PHLPP2: variants seen among roughly 807,000 people sequenced by gnomAD.
PHLPP2 encodes the protein PH domain and leucine rich repeat protein phosphatase 2.
A neutral mutation model predicts 124.9 loss-of-function variants in PHLPP2; 66 were observed. The observed-to-expected ratio is 0.53, with a 90% CI of 0.43 to 0.65. The LOEUF is 0.65. Ranked by LOEUF, PHLPP2 falls within the 30% of genes least tolerant of loss-of-function variation. The probability of loss-of-function intolerance (pLI) is 0.00; values close to 1 mark genes in which losing one functional copy is unlikely to be tolerated. For missense variants in PHLPP2, 1,685 were observed against 1,600.4 expected, an observed-to-expected ratio of 1.05 and a Z score of -0.90; for synonymous variants, 681 against 624.7, an observed-to-expected ratio of 1.09 and a Z score of -1.34.
chr16:71,652,780 C>T lies in PHLPP2; in HGVS notation c.2817+10G>A, dbSNP rs199937422. ...GGGAGCAGAAGTGACTGGCGGGGAG[C>T]GGAACACACCTCTGTGATGATGGCT... On this transcript the variant is annotated intron_variant, in intron 18 of 18. Coordinates refer to ENST00000568954, the MANE Select transcript of PHLPP2 (RefSeq NM_015020.3). 4.4e-4 allele frequency: 704 copies of T among 1,594,566 alleles called. No individual in the cohort carries two copies. Among genetic ancestry groups the T allele is most frequent in the Non-Finnish European group, 5.4e-4 (622 of 1,162,550 alleles).
At position 71,656,670 on chromosome 16, in the gene PHLPP2, G is replaced by T; in HGVS notation, c.2291C>A (p.Thr764Asn). ...KTLDIFSHIT[T>N]LKIDQKPLPT... ...CAAAGGTTTCTGATCAATTTTCAGG[G>T]TTGTGATATGGCTGTGGGAGGTGAA... Residue 764 changes from threonine to asparagine, a missense_variant, in exon 16 of 19, where the codon ACC becomes AAC. Transcript: ENST00000568954. 1.2e-6 allele frequency: 2 copies of T among 1,601,408 alleles called. No individual in the cohort carries two copies. The highest frequency in any genetic ancestry group is 1.7e-6 in the Non-Finnish European group (2 of 1,168,536).
intron 10 of PHLPP2, among the ~76,000 whole-genome samples, chr16:71,671,494 C>T (rs1015732259): frequency 1.3e-5 from 2 of 151,856 alleles, no homozygotes; most frequent in Non-Finnish European, 2.9e-5. Flanking sequence ...TACCGCTGAA[C>T]CCAGAATGCC....
At chr16:71,659,185 C>T (rs1295023241) in intron 13 of PHLPP2, among the ~76,000 whole-genome samples, 2 of 151,694 alleles carry the variant, frequency 1.3e-5, no homozygotes, top group Non-Finnish European at 2.9e-5. Flanking sequence ...TCAATGTCAG[C>T]AGTCTTTAAT....
chr16:71,656,714 T>C, intron 15 of PHLPP2, 33 bp from the exon 16 acceptor site: 1 of 1,249,762 alleles, frequency 8.0e-7, no homozygotes, highest in East Asian at 2.3e-5. Flanking sequence ...AAACCATATA[T>C]TCTTCTGTAT....
Position 71,679,412 on chromosome 16 carries a change from T to C in PHLPP2, c.1014A>G (p.Pro338=). The change falls in exon 7 of 19, where the codon CCA becomes CCG. Residue 338 remains proline, a synonymous_variant. Transcript: ENST00000568954. ...ACTTTAGCAGATTGCCAATTTGACTTGGTAGGTCATGAAATCCATTACAGG... is the reference window on the plus strand; with the variant it reads ...ACTTTAGCAGATTGCCAATTTGACTCGGTAGGTCATGAAATCCATTACAGG... ...NLSCNGFHDL[P]SQIGNLLNLQ... is the part of the protein sequence containing the mutation. 2.5e-6 allele frequency: 4 copies of C among 1,613,990 alleles called. No individual in the cohort carries two copies. The highest frequency in any genetic ancestry group is 3.4e-6 in the Non-Finnish European group (4 of 1,179,864).
At position 71,714,617 on chromosome 16, in the gene PHLPP2, G is replaced by A. The variant is rs765932644; in HGVS notation, c.179C>T (p.Ser60Phe). Residue 60 changes from serine to phenylalanine, a missense_variant, in exon 2 of 19, where the codon TCT becomes TTT. Coordinates refer to ENST00000568954, the MANE Select transcript of PHLPP2 (RefSeq NM_015020.3). ...AGTGCAAAGGACGAGATGTAAGTCA[G>A]AGGAAGAGGAGGAGGAGGAAGAGGA... ...SSSSSSSSSS[S>F]DLHLVLCTVE... is the part of the protein sequence containing the mutation. The A allele has an allele frequency of 5.1e-5, 83 of 1,613,964 alleles. No homozygotes were observed. In the Middle Eastern group the frequency reaches 1.5e-3, roughly 29 times the overall value.
At chr16:71,658,948 C>T in intron 13 of PHLPP2, 133 bp from the exon 14 acceptor site, 8 of 748,312 alleles carry the variant, frequency 1.1e-5, no homozygotes, top group South Asian at 1.7e-5. Context: ...GAAATGAAAC[C>T]GATACCAGGA....
chr16:71,664,247 A>G, intron 12 of PHLPP2, 148 bp from the exon 13 acceptor site: 1 of 631,904 alleles, frequency 1.6e-6, no homozygotes, highest in South Asian at 2.0e-5. Flanking sequence ...GTTTTTCTCT[A>G]ATTGATCCTA....
At chr16:71,655,462 C>T (rs910527954) in intron 16 of PHLPP2, 28 bp from the exon 17 acceptor site, 1 of 1,532,180 alleles carries the variant, frequency 6.5e-7, no homozygotes, top group Non-Finnish European at 9.0e-7. Context: ...AAACAGAAAA[C>T]AGAAAAGTTA....
chr16:71,712,827 T>C (rs1445808522), intron 2 of PHLPP2, among the ~76,000 whole-genome samples: 2 of 152,218 alleles, frequency 1.3e-5, no homozygotes, highest in Non-Finnish European at 2.9e-5. Context: ...TTTTAAGGTG[T>C]AAGTGGGAGC....
At chr16:71,676,818 G>A (rs1596999875) in intron 8 of PHLPP2, 169 bp from the exon 9 acceptor site, 3 of 585,170 alleles carry the variant, frequency 5.1e-6, no homozygotes, top group East Asian at 2.9e-5. Flanking sequence ...GCGTGATCTC[G>A]GTTCACTGCA....
At chr16:71,713,731 TTATAA>T (rs2045338484) in intron 2 of PHLPP2, among the ~76,000 whole-genome samples, 1 of 152,120 alleles carries the variant, frequency 6.6e-6, no homozygotes, top group African/African-American at 2.4e-5. Context: ...GTTTTAAAAT[TTATAA>T]TATATGTAGA....
Position 71,669,356 on chromosome 16 carries a change from C to T in PHLPP2, c.1547G>A (p.Cys516Tyr), listed in dbSNP as rs746362897. ...TGCTTCACAGGCCCAGTCAGGGACA[C>T]ACTCTAGCAGGTTTCTGCAGAAAAT... is the stretch of plus-strand genomic sequence containing the variant. Reference protein sequence around the residue: ...FLDLSRNLLECVPDWACEAKK... With the variant: ...FLDLSRNLLEYVPDWACEAKK... Residue 516 changes from cysteine to tyrosine, a missense_variant, in exon 11 of 19, where the codon TGT (cysteine) becomes TAT (tyrosine). Physicochemically the swap from Cys to Tyr is radical, Grantham distance 194. Transcript: ENST00000568954. 4 of 1,610,406 alleles carry T rather than the reference C, an allele frequency of 2.5e-6. No homozygotes were observed. The highest frequency in any genetic ancestry group is 3.4e-6 in the Non-Finnish European group (4 of 1,178,316).
intron 2 of PHLPP2, among the ~76,000 whole-genome samples, chr16:71,707,298 T>C (rs1427739036): frequency 6.6e-6 from 1 of 152,144 alleles, no homozygotes; most frequent in Admixed American, 6.5e-5. Context: ...TAATAAAGAA[T>C]ACAGCTGGTC....
At chr16:71,667,370 T>G (rs775932831) in intron 11 of PHLPP2, 37 bp from the exon 12 acceptor site, 4 of 1,535,940 alleles carry the variant, frequency 2.6e-6, no homozygotes, top group Middle Eastern at 1.7e-4. Flanking sequence ...CATTAAAAAC[T>G]TACTTAAATC....
rs761074922 is a variant in PHLPP2, at chr16:71,676,476, G to A, written c.1442C>T (p.Ser481Phe). The A allele has an allele frequency of 3.7e-6, 6 of 1,613,966 alleles. No homozygotes were observed. Among genetic ancestry groups the A allele is most frequent in the South Asian group, 1.1e-5 (1 of 91,080 alleles). The change falls in exon 9 of 19, where the codon TCC becomes TTC. Residue 481 changes from serine (S) to phenylalanine (F), a missense_variant. By Grantham distance (155) the Ser-to-Phe change is radical (BLOSUM62 -2). Transcript: ENST00000568954. ...QLRELTLSGF[S>F]LRTLYASSNR... ...GGAACTGGCATAGAGGGTCCGAAGG[G>A]AAAAGCCACTGAGTGTTAGCTCCCT...
At position 71,710,813 on chromosome 16, in the gene PHLPP2, TATC is replaced by T. The variant is rs539010689; in HGVS notation, c.284+3696_284+3698del. On this transcript the variant is annotated intron_variant, in intron 2 of 18. Coordinates refer to ENST00000568954, the MANE Select transcript of PHLPP2 (RefSeq NM_015020.3). ...CATGACAACTCAACAATGTAAATAT[TATC>T]ATCTTCCATTTTACAGATTACTACA... Among the ~76,000 whole-genome samples the T allele has an allele frequency of 8.4e-3, 1,277 of 152,330 alleles. 7 individuals are homozygous for T. The highest frequency in any genetic ancestry group is 0.014 in the Non-Finnish European group (933 of 68,032).
intron 2 of PHLPP2, among the ~76,000 whole-genome samples, chr16:71,704,842 G>A (rs929331716): frequency 1.3e-5 from 2 of 152,146 alleles, no homozygotes; most frequent in South Asian, 4.1e-4. Context: ...CACGTTTTAA[G>A]GGGGACTTTT....
At chr16:71,719,940 G>A (rs1186094278) in intron 1 of PHLPP2, among the ~76,000 whole-genome samples, 1 of 142,074 alleles carries the variant, frequency 7.0e-6, no homozygotes, top group South Asian at 2.2e-4. Context: ...TGGGATTACA[G>A]GTGCACAACA....
Sources: gnomAD v4.1 joint callset for allele counts (sites outside exome capture counted in the v4.1 genomes callset) on GRCh38, gnomAD v4.1.1 for gene constraint, MANE v1.5 for transcripts, NCBI Gene and HGNC (gene_info 2026-07-23, HGNC 2026-07-21) for gene names.